Variants in TMEM178B observed in about 807,000 individuals in gnomAD.
TMEM178B encodes the protein transmembrane protein 178B.
In TMEM178B, 5 loss-of-function variants were observed where a neutral mutation model predicts 31.0. The ratio of observed to expected loss-of-function variants is 0.16; its 90% CI spans 0.08 to 0.34. TMEM178B has a LOEUF of 0.34. Among genes scored for constraint, TMEM178B ranks in the 10% least tolerant of loss-of-function variants. The pLI is 1.00. For missense variants in TMEM178B, 275 were observed against 400.3 expected, an observed-to-expected ratio of 0.69 and a Z score of 2.67; for synonymous variants, 164 against 164.0, an observed-to-expected ratio of 1.00 and a Z score of 0.00.
intron 1 of TMEM178B, among the ~76,000 whole-genome samples, chr7:141,156,600 T>C (rs1796074673): frequency 6.6e-6 from 1 of 152,252 alleles, no homozygotes; most frequent in Non-Finnish European, 1.5e-5. Context: ...AGAAAGGGCC[T>C]CCTGGGAAAT....
intron 2 of TMEM178B, among the ~76,000 whole-genome samples, chr7:141,362,802 CAGG>C (rs762604422): frequency 2.0e-5 from 3 of 152,176 alleles, no homozygotes; most frequent in South Asian, 2.1e-4. Context: ...TTGAAAGTTA[CAGG>C]AGAAGTGGAA....
intron 2 of TMEM178B, among the ~76,000 whole-genome samples, chr7:141,302,103 A>G (rs1408877885): frequency 6.6e-6 from 1 of 152,142 alleles, no homozygotes; most frequent in African/African-American, 2.4e-5. Context: ...ATGCCACTGA[A>G]CTGTACACTG....
intron 1 of TMEM178B, among the ~76,000 whole-genome samples, chr7:141,192,923 ATTTATT>A (rs1426558554): frequency 6.6e-6 from 1 of 152,176 alleles, no homozygotes; most frequent in Admixed American, 6.5e-5. Context: ...ATGATTTGAT[ATTTATT>A]TTTATTTTAA....
chr7:141,293,771 T>G (rs927788787), intron 2 of TMEM178B, among the ~76,000 whole-genome samples: 2 of 152,200 alleles, frequency 1.3e-5, no homozygotes, highest in Non-Finnish European at 2.9e-5. Context: ...AAAGGCTTTA[T>G]GTGTAATGCT....
chr7:141,247,508 C>T (rs1239573556), intron 2 of TMEM178B, among the ~76,000 whole-genome samples: 1 of 152,174 alleles, frequency 6.6e-6, no homozygotes, highest in African/African-American at 2.4e-5. Flanking sequence ...ATTCAGCTGC[C>T]TCCAAGCGAC....
At chr7:141,436,067 G>A (rs1329838273) in intron 2 of TMEM178B, among the ~76,000 whole-genome samples, 1 of 152,188 alleles carries the variant, frequency 6.6e-6, no homozygotes, top group African/African-American at 2.4e-5. Flanking sequence ...GTCAATGTCA[G>A]GACAAGAAGG....
At chr7:141,241,658 AG>A (rs1162139254) in intron 2 of TMEM178B, among the ~76,000 whole-genome samples, 1 of 149,644 alleles carries the variant, frequency 6.7e-6, no homozygotes, top group African/African-American at 2.4e-5. Flanking sequence ...GCAAGATTTG[AG>A]GGCACGTGGT....
the TMEM178B span, among the ~76,000 whole-genome samples, chr7:141,502,509 C>A: frequency 6.6e-6 from 1 of 152,190 alleles, no homozygotes. Context: ...TGGTGGCTCA[C>A]GCCTGTAATC....
chr7:141,125,408 T>C (rs1289715716), intron 1 of TMEM178B, among the ~76,000 whole-genome samples: 1 of 151,798 alleles, frequency 6.6e-6, no homozygotes, highest in Non-Finnish European at 1.5e-5. Flanking sequence ...CGGCGCCGGA[T>C]GTGGTGGCTC....
chr7:141,321,465 A>T (rs7807179), intron 2 of TMEM178B, among the ~76,000 whole-genome samples: 14 of 152,014 alleles, frequency 9.2e-5, no homozygotes, highest in African/African-American at 3.4e-4. Flanking sequence ...AGACTTCTCA[A>T]GGAAGCCACA....
At chr7:141,438,556 G>A (rs1181745) in intron 3 of TMEM178B, among the ~76,000 whole-genome samples, 10,007 of 151,602 alleles carry the variant, frequency 0.066, 510 homozygotes, top group South Asian at 0.25. Flanking sequence ...AGTAGAGGGG[G>A]ATTGGGGCCT....
chr7:141,080,569 G>A (rs948672831), intron 1 of TMEM178B, among the ~76,000 whole-genome samples: 1 of 152,198 alleles, frequency 6.6e-6, no homozygotes, highest in South Asian at 2.1e-4. Flanking sequence ...GCAGTGAGCC[G>A]AGATCGTGCT....
At chr7:141,439,726 C>T (rs919772508) in intron 3 of TMEM178B, among the ~76,000 whole-genome samples, 1 of 152,140 alleles carries the variant, frequency 6.6e-6, no homozygotes, top group African/African-American at 2.4e-5. Context: ...AAAAGCTGAG[C>T]AAACGGGCCG....
At chr7:141,334,238 G>A (rs914116109) in intron 2 of TMEM178B, among the ~76,000 whole-genome samples, 2 of 152,224 alleles carry the variant, frequency 1.3e-5, no homozygotes, top group Non-Finnish European at 2.9e-5. Context: ...TCAGACCGAT[G>A]TGTGTTCGAG....
intron 3 of TMEM178B, among the ~76,000 whole-genome samples, chr7:141,454,312 C>T (rs2116708452): frequency 6.6e-6 from 1 of 152,292 alleles, no homozygotes; most frequent in East Asian, 1.9e-4. Flanking sequence ...AACTTCTCTC[C>T]TCTCTTTAGG....
intron 1 of TMEM178B, among the ~76,000 whole-genome samples, chr7:141,210,645 C>T (rs1024286705): frequency 3.1e-4 from 47 of 152,130 alleles, no homozygotes; most frequent in Non-Finnish European, 2.9e-5. Context: ...CCTTCAGTGC[C>T]CTAGGAGCCT....
chr7:141,252,177 AGG>A (rs1797844053), intron 2 of TMEM178B, among the ~76,000 whole-genome samples: 1 of 152,156 alleles, frequency 6.6e-6, no homozygotes, highest in African/African-American at 2.4e-5. Flanking sequence ...TATTGTCCAG[AGG>A]ATCTTTTCCC....
intron 2 of TMEM178B, among the ~76,000 whole-genome samples, chr7:141,242,425 A>G (rs1357388320): frequency 2.0e-5 from 3 of 151,898 alleles, no homozygotes; most frequent in Non-Finnish European, 4.4e-5. Context: ...GCAGAACTGC[A>G]TAGTGATTTC....
At chr7:141,331,954 G>A (rs944776730) in intron 2 of TMEM178B, among the ~76,000 whole-genome samples, 3 of 152,144 alleles carry the variant, frequency 2.0e-5, no homozygotes, top group African/African-American at 7.2e-5. Flanking sequence ...GTCTCCCTTT[G>A]GAACATTGCC....
Sources: gnomAD v4.1 joint callset for allele counts (sites outside exome capture counted in the v4.1 genomes callset) on GRCh38, gnomAD v4.1.1 for gene constraint, MANE v1.5 for transcripts, NCBI Gene and HGNC (gene_info 2026-07-23, HGNC 2026-07-21) for gene names.